Variants in HGF observed in about 807,000 individuals in gnomAD.
The protein encoded by HGF is fibroblast-derived tumor cytotoxic factor.
HGF carries 39 observed loss-of-function variants against 111.6 expected under a neutral mutation model. That is an observed-to-expected ratio of 0.35 (90% CI 0.27 to 0.46). HGF has a LOEUF of 0.46. Ranked by LOEUF, HGF falls within the 20% of genes least tolerant of loss-of-function variation. The pLI, the probability that HGF is intolerant of heterozygous loss-of-function variation, is 1.00. For missense variants in HGF, 735 were observed against 910.5 expected (o/e 0.81, Z 2.48); for synonymous variants, 285 against 294.8 (o/e 0.97, Z 0.34).
intron 8 of HGF, among the ~76,000 whole-genome samples, chr7:81,728,112 C>G (rs1257724177): frequency 6.6e-6 from 1 of 152,120 alleles, no homozygotes; most frequent in Non-Finnish European, 1.5e-5. Context: ...CCAGTACGCC[C>G]CCTCACTACT....
chr7:81,767,770 C>A (rs1789437000), intron 1 of HGF, among the ~76,000 whole-genome samples: 1 of 152,008 alleles, frequency 6.6e-6, no homozygotes, highest in South Asian at 2.1e-4. Flanking sequence ...TGTTATTTTA[C>A]AATACATACA....
Position 81,753,741 on chromosome 7 carries a change from T to C in HGF, c.483-1479A>G, listed in dbSNP as rs570840377. 7.2e-5 allele frequency among the ~76,000 whole-genome samples: 11 copies of C among 152,010 alleles called. No homozygotes were observed. The South Asian group carries it at 8.3e-4, about 11-fold the overall frequency. ...TATTATCCATATTATGCAACTTCAATGCATCTAAGTAGTAATAGTTAATAT... is the reference window on the plus strand; with the variant it reads ...TATTATCCATATTATGCAACTTCAACGCATCTAAGTAGTAATAGTTAATAT... On this transcript the variant is annotated intron_variant, in intron 4 of 17. Coordinates refer to ENST00000222390, the MANE Select transcript of HGF (RefSeq NM_000601.6).
chr7:81,751,878 G>A, intron 5 of HGF: 1 of 1,345,676 alleles, frequency 7.4e-7, no homozygotes, highest in Non-Finnish European at 9.6e-7. Context: ...TTCCCCAGAG[G>A]GATGTCTCAG....
intron 7 of HGF, among the ~76,000 whole-genome samples, chr7:81,732,240 A>G (rs905493213): frequency 6.6e-6 from 1 of 152,152 alleles, no homozygotes. Context: ...CTCGGACACA[A>G]GTATGATTTG....
At chr7:81,714,557 C>T (rs541618403) in intron 11 of HGF, among the ~76,000 whole-genome samples, 1 of 152,026 alleles carries the variant, frequency 6.6e-6, no homozygotes, top group Non-Finnish European at 1.5e-5. Context: ...AAGTTCTTAA[C>T]CACTACGCTC....
At chr7:81,735,875 T>C (rs1787808788) in intron 7 of HGF, among the ~76,000 whole-genome samples, 1 of 152,134 alleles carries the variant, frequency 6.6e-6, no homozygotes, top group Admixed American at 6.6e-5. Flanking sequence ...TGTCCTTACA[T>C]GGTAGAAAAA....
At chr7:81,743,303 G>T in intron 7 of HGF, 50 bp downstream of exon 7, 1 of 1,033,982 alleles carries the variant, frequency 9.7e-7, no homozygotes. Context: ...CGCCTGCTTA[G>T]ATCCAGTCTG....
At chr7:81,745,437 G>A (rs1376971985) in intron 5 of HGF, among the ~76,000 whole-genome samples, 1 of 152,056 alleles carries the variant, frequency 6.6e-6, no homozygotes, top group African/African-American at 2.4e-5. Context: ...ACAGATCCTT[G>A]GAAATTTTTC....
intron 4 of HGF, chr7:81,755,528 T>G (rs967576368): frequency 6.6e-6 from 1 of 152,632 alleles, no homozygotes; most frequent in African/African-American, 2.4e-5. Flanking sequence ...TATTTCACAA[T>G]TACTCCTCCA....
chr7:81,751,425 C>T, intron 5 of HGF: 1 of 985,248 alleles, frequency 1.0e-6, no homozygotes, highest in South Asian at 4.7e-5. Flanking sequence ...ATTCAGTTTT[C>T]CACTGCAAAA....
At chr7:81,756,901 C>A in intron 4 of HGF, 1 of 470,216 alleles carries the variant, frequency 2.1e-6, no homozygotes, top group Middle Eastern at 6.1e-4. Flanking sequence ...TTCTCAAAGA[C>A]AGGAAGAAGA....
chr7:81,760,367 C>A (rs1204190882), intron 2 of HGF, among the ~76,000 whole-genome samples: 1 of 152,074 alleles, frequency 6.6e-6, no homozygotes, highest in Non-Finnish European at 1.5e-5. Context: ...TCTTTCCTAC[C>A]CAGCAAAGAA....
intron 1 of HGF, among the ~76,000 whole-genome samples, chr7:81,767,043 C>T (rs868791811): frequency 4.6e-5 from 7 of 152,110 alleles, no homozygotes; most frequent in Non-Finnish European, 1.0e-4. Flanking sequence ...TACTTACGAA[C>T]CTCTGTACCT....
At chr7:81,718,793 T>C (rs1013951503) in intron 10 of HGF, among the ~76,000 whole-genome samples, 1 of 152,136 alleles carries the variant, frequency 6.6e-6, no homozygotes, top group Non-Finnish European at 1.5e-5. Context: ...TTCAACCTTC[T>C]AGTGTAAAAT....
intron 9 of HGF, among the ~76,000 whole-genome samples, chr7:81,725,170 G>A (rs930488662): frequency 6.6e-6 from 1 of 152,204 alleles, no homozygotes; most frequent in Non-Finnish European, 1.5e-5. Context: ...CTTCAGAGAA[G>A]AGTCCTAAGA....
At chr7:81,712,552 A>G (rs1789600578) in intron 11 of HGF, among the ~76,000 whole-genome samples, 1 of 152,190 alleles carries the variant, frequency 6.6e-6, no homozygotes, top group Non-Finnish European at 1.5e-5. Context: ...TTTCATCTCT[A>G]CTGGGGCTTA....
chr7:81,743,521 A>AC, intron 6 of HGF, 50 bp from the exon 7 acceptor site: 1 of 1,110,300 alleles, frequency 9.0e-7, no homozygotes, highest in Non-Finnish European at 1.4e-6. Context: ...TGGAAACACC[A>AC]CCCACCCCTC....
At position 81,717,249 on chromosome 7, in the gene HGF, T is replaced by C. The variant is rs775433097; in HGVS notation, c.1388A>G (p.Tyr463Cys). 1 of 1,613,696 alleles carries C rather than the reference T, an allele frequency of 6.2e-7. No individual in the cohort carries two copies. The change falls in exon 11 of 18, where the codon TAT becomes TGT. Residue 463 changes from tyrosine (Y) to cysteine (C), a missense_variant. Around this residue, in one of 3 missense-constraint regions of HGF, gnomAD observed 553 missense variants for 685.6 expected, o/e 0.81. Coordinates refer to ENST00000222390, the MANE Select transcript of HGF (RefSeq NM_000601.6). ...GTACTTACAACGAGAAATAGGGCAA[T>C]AATCCCAAGGAATGAGTGGATTTCC... Reference protein sequence around the residue: ...YTGNPLIPWDYCPISRCEGDT... With the variant: ...YTGNPLIPWDCCPISRCEGDT...
At chr7:81,703,875 A>T (rs1459839318) in intron 17 of HGF, among the ~76,000 whole-genome samples, 1 of 151,694 alleles carries the variant, frequency 6.6e-6, no homozygotes, top group Non-Finnish European at 1.5e-5. Flanking sequence ...AGTAAAGAAA[A>T]ATAGTTTATT....
Sources: allele counts gnomAD v4.1 joint callset (sites outside exome capture counted in the v4.1 genomes callset), GRCh38; gene constraint gnomAD v4.1.1; regional missense constraint gnomAD v4.1.1; transcripts MANE v1.5; gene names NCBI Gene and HGNC (gene_info 2026-07-23, HGNC 2026-07-21).